The following C4orf51 variants were observed in gnomAD, a reference collection of about 807,000 sequenced individuals.
C4orf51 encodes uncharacterized protein C4orf51.
A neutral mutation model predicts 25.2 loss-of-function variants in C4orf51; 25 were observed. The ratio of observed to expected loss-of-function variants is 0.99; its 90% CI spans 0.72 to 1.39. The LOEUF (loss-of-function observed/expected upper bound fraction) is 1.39. Ranked by LOEUF, C4orf51 falls within the 40% of genes most tolerant of loss-of-function variation. The pLI, the probability that C4orf51 is intolerant of heterozygous loss-of-function variation, is 0.00. For synonymous variants in C4orf51, 100 were observed against 84.5 expected, an observed-to-expected ratio of 1.18 and a Z score of -1.01; for missense variants, 252 against 239.6, an observed-to-expected ratio of 1.05 and a Z score of -0.34.
intron 1 of C4orf51, among the ~76,000 whole-genome samples, chr4:145,767,258 T>C (rs1232515488): frequency 6.6e-6 from 1 of 152,210 alleles, no homozygotes; most frequent in Non-Finnish European, 1.5e-5. Context: ...CAGTGTCTAT[T>C]ACCAGCAGTA....
At chr4:145,717,913 C>A (rs930752581) in intron 2 of C4orf51, among the ~76,000 whole-genome samples, 1 of 152,152 alleles carries the variant, frequency 6.6e-6, no homozygotes, top group African/African-American at 2.4e-5. Flanking sequence ...TATAAAGCTG[C>A]AATACAACAA....
At chr4:145,682,541 T>C (rs1728903090) in intron 1 of C4orf51, among the ~76,000 whole-genome samples, 1 of 152,162 alleles carries the variant, frequency 6.6e-6, no homozygotes. Context: ...GTGGGTTAAG[T>C]CAGGAAAGTA....
intron 1 of C4orf51, among the ~76,000 whole-genome samples, chr4:145,741,992 T>G (rs1369926490): frequency 6.6e-6 from 1 of 152,200 alleles, no homozygotes; most frequent in Admixed American, 6.5e-5. Flanking sequence ...TGAGCCACCA[T>G]GCCTGGCTGC....
chr4:145,775,196 G>A (rs907177826), downstream of C4orf51, among the ~76,000 whole-genome samples: 1 of 152,192 alleles, frequency 6.6e-6, no homozygotes, highest in Admixed American at 6.5e-5. Flanking sequence ...CCCACTGCTA[G>A]AGACATTTCC....
chr4:145,754,730 T>A (rs184998648), downstream of C4orf51, among the ~76,000 whole-genome samples: 12 of 151,870 alleles, frequency 7.9e-5, no homozygotes, highest in East Asian at 2.3e-3. Flanking sequence ...AGGTCAGGAG[T>A]TCAAGACTGG....
At chr4:145,684,433 G>T (rs1729018582) in intron 1 of C4orf51, among the ~76,000 whole-genome samples, 1 of 152,164 alleles carries the variant, frequency 6.6e-6, no homozygotes, top group Non-Finnish European at 1.5e-5. Context: ...AGTGAGCCAA[G>T]ATCATGCCAC....
At position 145,725,255 on chromosome 4, in the gene C4orf51, A is replaced by G. The variant is rs190715294; in HGVS notation, c.308-1656A>G. 2.8e-3 allele frequency among the ~76,000 whole-genome samples: 434 copies of G among 152,340 alleles called. 2 individuals are homozygous for G. The highest frequency in any genetic ancestry group is 9.5e-3 in the African/African-American group (395 of 41,584). ...CATAATGAGTTACTACTTCACATCC[A>G]TTAGAATGGCTATAATCACAAAGAC... On this transcript the variant is annotated intron_variant, in intron 2 of 5. Transcript: ENST00000438731.
chr4:145,704,779 T>C (rs1730688290), intron 2 of C4orf51, among the ~76,000 whole-genome samples: 2 of 152,230 alleles, frequency 1.3e-5, no homozygotes, highest in Non-Finnish European at 2.9e-5. Flanking sequence ...AGAATTTGAC[T>C]GAAGGGCATA....
chr4:145,776,009 A>G, downstream of C4orf51: 1 of 1,607,610 alleles, frequency 6.2e-7, no homozygotes, highest in Non-Finnish European at 8.5e-7. Flanking sequence ...CAAAAAAGGA[A>G]GTCCCAACAC....
At chr4:145,683,358 G>A (rs1728948118) in intron 1 of C4orf51, among the ~76,000 whole-genome samples, 1 of 152,154 alleles carries the variant, frequency 6.6e-6, no homozygotes, top group Non-Finnish European at 1.5e-5. Flanking sequence ...AAATGCAGTT[G>A]CAATCAAAAT....
At chr4:145,768,403 G>A (rs1340656373) in intron 1 of C4orf51, among the ~76,000 whole-genome samples, 1 of 152,110 alleles carries the variant, frequency 6.6e-6, no homozygotes, top group Non-Finnish European at 1.5e-5. Context: ...GACCTCAAGT[G>A]ATCTGCCCAC....
intron 2 of C4orf51, among the ~76,000 whole-genome samples, chr4:145,707,801 C>G (rs1459362427): frequency 6.6e-6 from 1 of 152,186 alleles, no homozygotes; most frequent in Non-Finnish European, 1.5e-5. Flanking sequence ...ACAGAGTAGG[C>G]AGCTCCTGAA....
chr4:145,728,268 A>G, intron 3 of C4orf51, among the ~76,000 whole-genome samples: 1 of 151,812 alleles, frequency 6.6e-6, no homozygotes. Context: ...GTGCCCTAGT[A>G]GTGCGTGAGA....
At chr4:145,723,045 T>G (rs1731830088) in intron 2 of C4orf51, among the ~76,000 whole-genome samples, 1 of 152,214 alleles carries the variant, frequency 6.6e-6, no homozygotes, top group African/African-American at 2.4e-5. Flanking sequence ...AATGTAAGAA[T>G]AATAGAAATA....
At position 145,765,464 on chromosome 4, in the gene C4orf51, C is replaced by T. The variant is rs1042661837; in HGVS notation, n.167-5524C>T. 1.2e-5 allele frequency: 17 copies of T among 1,469,890 alleles called. No individual in the cohort carries two copies. Among genetic ancestry groups the T allele is most frequent in the South Asian group, 4.2e-5 (3 of 71,580 alleles). 91.1% of individuals were successfully genotyped at this position (1,469,890 alleles called of 1,614,324 possible). ...TGGGCCTATTATCAGTTTTTGACATCGCTCCTGTGCAGGGCTTATTCTCAA... is the reference window on the plus strand; with the variant it reads ...TGGGCCTATTATCAGTTTTTGACATTGCTCCTGTGCAGGGCTTATTCTCAA... On this transcript the variant is annotated intron_variant and non_coding_transcript_variant, in intron 1 of 1. Transcript: ENST00000510096. The surrounding 1 kb of genome is among the most constrained non-coding windows in gnomAD (Gnocchi z 4.7).
intron 2 of C4orf51, among the ~76,000 whole-genome samples, chr4:145,699,865 G>T (rs1468494793): frequency 6.6e-6 from 1 of 151,658 alleles, no homozygotes; most frequent in Non-Finnish European, 1.5e-5. Context: ...CTGCTTTTCT[G>T]GGGGAGGGGC....
At chr4:145,729,297 ATTTT>A (rs547075220) in intron 4 of C4orf51, 68 bp downstream of exon 4, 1,307 of 291,260 alleles carry the variant, frequency 4.5e-3, no homozygotes, top group East Asian at 5.0e-3. Flanking sequence ...TGGTCATGTG[ATTTT>A]TTTTTTTTTT....
At chr4:145,789,096 T>C in the C4orf51 span, among the ~76,000 whole-genome samples, 1 of 152,232 alleles carries the variant, frequency 6.6e-6, no homozygotes, top group African/African-American at 2.4e-5. Context: ...CCTTCTTGGC[T>C]GTCTGAAGGT....
intron 3 of C4orf51, 128 bp from the exon 4 acceptor site, chr4:145,729,041 T>A (rs2126768398): frequency 2.9e-6 from 2 of 678,672 alleles, no homozygotes; most frequent in Non-Finnish European, 5.2e-6. Flanking sequence ...CAGTGGTGGC[T>A]TTTGACAGCA....
Sources: gnomAD v4.1 joint callset for allele counts (sites outside exome capture counted in the v4.1 genomes callset) on GRCh38, gnomAD v4.1.1 for gene constraint, Gnocchi (gnomAD v3.1) non-coding constraint, MANE v1.5 for transcripts, NCBI Gene and HGNC (gene_info 2026-07-23, HGNC 2026-07-21) for gene names.